EFCAB11: variants seen among roughly 807,000 people sequenced by gnomAD.
The protein encoded by EFCAB11 is EF-hand calcium binding domain 11, also known as EF-hand calcium-binding domain-containing protein 11.
Under a neutral mutation model 23.0 loss-of-function variants are expected in EFCAB11, and 14 were observed. That is an observed-to-expected ratio of 0.61 (90% confidence interval 0.40 to 0.95). The LOEUF is 0.95. Among genes scored for constraint, EFCAB11 ranks in the 40% least tolerant of loss-of-function variants. EFCAB11 has a pLI of 0.00. For missense variants in EFCAB11, 198 were observed against 195.8 expected (o/e 1.01, Z -0.07); for synonymous variants, 65 against 66.6 (o/e 0.98, Z 0.11).
chr14:89,853,186 C>A (rs1887647061), intron 5 of EFCAB11, among the ~76,000 whole-genome samples: 1 of 152,082 alleles, frequency 6.6e-6, no homozygotes, highest in Non-Finnish European at 1.5e-5. Context: ...ATAACATAAA[C>A]AGGTTTGGCA....
chr14:89,890,107 T>C (rs943555903), intron 5 of EFCAB11, among the ~76,000 whole-genome samples: 9 of 152,204 alleles, frequency 5.9e-5, no homozygotes, highest in South Asian at 4.1e-4. Flanking sequence ...TTTATAAATA[T>C]TGAGTTCAAG....
At chr14:89,800,830 G>GTGGATC (rs1400192174) in intron 5 of EFCAB11, among the ~76,000 whole-genome samples, 1 of 152,038 alleles carries the variant, frequency 6.6e-6, no homozygotes, top group Non-Finnish European at 1.5e-5. Context: ...ATCACTTGAG[G>GTGGATC]TCAGGAGTTC....
At chr14:89,892,961 C>G (rs1196422366) in intron 5 of EFCAB11, among the ~76,000 whole-genome samples, 1 of 152,112 alleles carries the variant, frequency 6.6e-6, no homozygotes, top group African/African-American at 2.4e-5. Context: ...AACTTCCTGT[C>G]CTTGAGCCTC....
chr14:89,885,620 T>C (rs1888730413), intron 5 of EFCAB11, among the ~76,000 whole-genome samples: 1 of 147,772 alleles, frequency 6.8e-6, no homozygotes, highest in African/African-American at 2.5e-5. Context: ...GAGGTTGCAG[T>C]GAGCTGAGAT....
chr14:89,954,016 A>G lies in EFCAB11; in HGVS notation c.76-15T>C, dbSNP rs1285824352. ...GCTTTAAATACCTGAAGAACATTAA[A>G]TAGCTTTAGTTAATGAGACAGAAAT... On this transcript the variant is annotated splice_polypyrimidine_tract_variant and intron_variant, in intron 1 of 5. Transcript: ENST00000316738. 6.3e-7 allele frequency: 1 copy of G among 1,589,632 alleles called. No homozygotes were observed. Among genetic ancestry groups the G allele is most frequent in the Non-Finnish European group, 8.6e-7 (1 of 1,160,002 alleles).
rs758344140 is a variant in EFCAB11, at chr14:89,856,249, T to C, written c.411-58925A>G. On this transcript the variant is annotated intron_variant, in intron 5 of 5. Transcript: ENST00000316738. ...TGTCATCAATGCTGGAGTGCAGTGGTGCAATCTTGGCTCACTGTACCCTCT... is the reference window on the plus strand; with the variant it reads ...TGTCATCAATGCTGGAGTGCAGTGGCGCAATCTTGGCTCACTGTACCCTCT... 3.2e-4 allele frequency among the ~76,000 whole-genome samples: 49 copies of C among 150,806 alleles called. 1 individual carries two copies. The highest frequency in any genetic ancestry group is 4.9e-4 in the Non-Finnish European group (33 of 67,750).
intron 5 of EFCAB11, among the ~76,000 whole-genome samples, chr14:89,914,895 ATT>A (rs1889787800): frequency 6.6e-6 from 1 of 152,098 alleles, no homozygotes. Context: ...CTCAGGACAC[ATT>A]CAAGCAACAG....
At chr14:89,807,478 A>C (rs1172514437) in intron 5 of EFCAB11, among the ~76,000 whole-genome samples, 1 of 152,208 alleles carries the variant, frequency 6.6e-6, no homozygotes, top group Non-Finnish European at 1.5e-5. Context: ...GTGGGTTCAG[A>C]AGCTTGGAGA....
At chr14:89,849,216 C>A (rs907723942) in intron 5 of EFCAB11, among the ~76,000 whole-genome samples, 7 of 152,194 alleles carry the variant, frequency 4.6e-5, no homozygotes, top group Non-Finnish European at 1.0e-4. Flanking sequence ...TAGGTCTGTG[C>A]CCAGGCAGTA....
intron 5 of EFCAB11, among the ~76,000 whole-genome samples, chr14:89,865,488 G>C (rs993448780): frequency 3.9e-5 from 6 of 152,012 alleles, no homozygotes; most frequent in Non-Finnish European, 5.9e-5. Flanking sequence ...ATTTGAAAAG[G>C]ATGGCTGGAG....
intron 5 of EFCAB11, among the ~76,000 whole-genome samples, chr14:89,866,347 G>C (rs528090058): frequency 2.0e-5 from 3 of 152,188 alleles, no homozygotes; most frequent in Non-Finnish European, 2.9e-5. Context: ...CATGGCCAGG[G>C]CCACACAGTA....
intron 5 of EFCAB11, among the ~76,000 whole-genome samples, chr14:89,917,094 GTGTA>G (rs1326690537): frequency 0.019 from 2,074 of 111,266 alleles, 53 homozygotes; most frequent in African/African-American, 0.13. Context: ...GTGTGTGTGT[GTGTA>G]TGTGTGTGTT....
chr14:89,924,127 A>T (rs1450072388), intron 5 of EFCAB11: 1 of 985,794 alleles, frequency 1.0e-6, no homozygotes, highest in East Asian at 1.1e-4. Flanking sequence ...AGCCCCCACT[A>T]ATACTCTGAT....
At chr14:89,850,615 AC>A (rs1158841057) in intron 5 of EFCAB11, among the ~76,000 whole-genome samples, 1 of 152,226 alleles carries the variant, frequency 6.6e-6, no homozygotes, top group South Asian at 2.1e-4. Context: ...TTTGTTTTAA[AC>A]CTACCTCCAT....
At chr14:89,868,765 C>T (rs887015958) in intron 5 of EFCAB11, among the ~76,000 whole-genome samples, 2 of 152,168 alleles carry the variant, frequency 1.3e-5, no homozygotes, top group African/African-American at 4.8e-5. Flanking sequence ...ACCTTTGAAG[C>T]CCATTTCACA....
intron 5 of EFCAB11, among the ~76,000 whole-genome samples, chr14:89,870,525 G>A (rs1219306153): frequency 6.6e-6 from 1 of 152,128 alleles, no homozygotes; most frequent in African/African-American, 2.4e-5. Context: ...AATGTATTAT[G>A]TAATAGTTAA....
At chr14:89,926,446 T>G (rs935753537) in intron 5 of EFCAB11, among the ~76,000 whole-genome samples, 2 of 151,858 alleles carry the variant, frequency 1.3e-5, no homozygotes, top group African/African-American at 4.8e-5. Context: ...TACTACAAAA[T>G]AACAAGATAC....
At chr14:89,954,464 T>C in intron 1 of EFCAB11, 122 bp downstream of exon 1, 1 of 1,539,478 alleles carries the variant, frequency 6.5e-7, no homozygotes, top group Admixed American at 2.0e-5. Context: ...ACCACGACCC[T>C]TTGGACAGGC....
chr14:89,899,578 T>C lies in EFCAB11; in HGVS notation c.410+31963A>G, dbSNP rs186521658. On this transcript the variant is annotated intron_variant, in intron 5 of 5. Transcript: ENST00000316738. ...GGCCACAAGTGGGTAAAAATTTCTG[T>C]GACTCACACATAAGGAATAATTAGT... Among the ~76,000 whole-genome samples the C allele has an allele frequency of 1.4e-3, 220 of 152,300 alleles. 1 individual carries two copies. The highest frequency in any genetic ancestry group is 6.8e-3 in the Middle Eastern group (2 of 294).
Sources: allele counts gnomAD v4.1 joint callset (sites outside exome capture counted in the v4.1 genomes callset), GRCh38; gene constraint gnomAD v4.1.1; transcripts MANE v1.5; gene names NCBI Gene and HGNC (gene_info 2026-07-23, HGNC 2026-07-21).